GFPT2: variants seen among roughly 807,000 people sequenced by gnomAD.
GFPT2 encodes the protein glutamine--fructose-6-phosphate aminotransferase [isomerizing] 2.
A neutral mutation model predicts 85.6 loss-of-function variants in GFPT2; 62 were observed. The ratio of observed to expected loss-of-function variants is 0.72; its 90% CI spans 0.59 to 0.90. The LOEUF (loss-of-function observed/expected upper bound fraction) is 0.90. Ranked by LOEUF, GFPT2 falls within the 40% of genes least tolerant of loss-of-function variation. The pLI is 0.00. For synonymous variants in GFPT2, 368 were observed against 344.5 expected (o/e 1.07, Z -0.75); for missense variants, 788 against 893.4 (o/e 0.88, Z 1.50).
chr5:180,331,731 A>G (rs1764304589), intron 4 of GFPT2, 178 bp from the exon 5 acceptor site: 1 of 637,090 alleles, frequency 1.6e-6, no homozygotes, highest in Admixed American at 2.6e-5. Flanking sequence ...CAGTGGAACC[A>G]GGGATTAGCA....
At chr5:180,337,345 C>T (rs1183842406) in intron 2 of GFPT2, among the ~76,000 whole-genome samples, 2 of 150,770 alleles carry the variant, frequency 1.3e-5, no homozygotes, top group South Asian at 2.1e-4. Context: ...CCCAGCTACT[C>T]GGGAGGCTGA....
intron 1 of GFPT2, chr5:180,352,339 GA>G (rs34831746): frequency 0.16 from 55,026 of 338,646 alleles, 2,072 homozygotes; most frequent in East Asian, 0.21. Flanking sequence ...CCTACTCAAG[GA>G]AAAAAAAAAA....
In GFPT2 at chr5:180,313,847, T is replaced by C; in HGVS notation, c.1391A>G (p.His464Arg). The C allele has an allele frequency of 1.3e-6, 2 of 1,594,516 alleles. No individual in the cohort carries two copies. Among genetic ancestry groups the C allele is most frequent in the Non-Finnish European group, 1.7e-6 (2 of 1,173,776 alleles). Residue 464 changes from histidine (H) to arginine (R), a missense_variant, in exon 14 of 19, where the codon CAC (histidine) becomes CGC (arginine). His to Arg is a conservative substitution (Grantham distance 29). Transcript: ENST00000253778. ...SISRETDCGVHINAGPEIGVA... is the reference protein window; with the variant it reads ...SISRETDCGVRINAGPEIGVA... ...GCCGATCTCCGGCCCTGCGTTGATG[T>C]GGACGCCGCAGTCGGTCTCGCGAGA...
chr5:180,340,650 T>C (rs1483250794), intron 1 of GFPT2, among the ~76,000 whole-genome samples: 2 of 151,864 alleles, frequency 1.3e-5, no homozygotes, highest in East Asian at 3.9e-4. Context: ...TAGCTGGGAC[T>C]ACAGGTGCCC....
At chr5:180,310,179 T>C (rs1001681958) in intron 15 of GFPT2, among the ~76,000 whole-genome samples, 3 of 152,084 alleles carry the variant, frequency 2.0e-5, no homozygotes, top group Non-Finnish European at 4.4e-5. Context: ...CTCGGCTCAC[T>C]GCAATCTCCG....
intron 14 of GFPT2, among the ~76,000 whole-genome samples, chr5:180,312,782 C>T (rs1763918529): frequency 6.6e-6 from 1 of 151,948 alleles, no homozygotes; most frequent in African/African-American, 2.4e-5. Context: ...TTATTTATTT[C>T]TATTTTGTTT....
chr5:180,334,747 G>A (rs1253654129), intron 4 of GFPT2, among the ~76,000 whole-genome samples: 1 of 152,178 alleles, frequency 6.6e-6, no homozygotes, highest in Admixed American at 6.5e-5. Flanking sequence ...GCCTCACCTA[G>A]AGTGGGGGAC....
intron 1 of GFPT2, chr5:180,352,937 C>A (rs1313483504): frequency 7.0e-6 from 3 of 425,698 alleles, no homozygotes; most frequent in South Asian, 9.8e-5. Flanking sequence ...TCCCTCCCCT[C>A]CGTGGGGACC....
chr5:180,316,317 G>A (rs757563776), intron 13 of GFPT2, 24 bp downstream of exon 13: 3 of 1,613,320 alleles, frequency 1.9e-6, no homozygotes, highest in East Asian at 4.5e-5. Context: ...ATGCAAGGCT[G>A]GCCACAATGC....
chr5:180,321,455 G>A (rs1764118731), intron 9 of GFPT2, among the ~76,000 whole-genome samples: 1 of 152,238 alleles, frequency 6.6e-6, no homozygotes, highest in African/African-American at 2.4e-5. Flanking sequence ...TGCCAGACCT[G>A]TGCCCGTGGG....
At chr5:180,339,729 GC>G (rs1764473917) in intron 1 of GFPT2, among the ~76,000 whole-genome samples, 1 of 152,166 alleles carries the variant, frequency 6.6e-6, no homozygotes, top group Admixed American at 6.5e-5. Flanking sequence ...CTCAGCTCCA[GC>G]CCCCGCCCTG....
intron 15 of GFPT2, among the ~76,000 whole-genome samples, chr5:180,311,321 T>C (rs548351473): frequency 1.3e-5 from 2 of 152,250 alleles, no homozygotes; most frequent in Non-Finnish European, 2.9e-5. Context: ...CTGAAGGAGG[T>C]GAGCTGCTGC....
chr5:180,313,564 T>A (rs1763939771), intron 14 of GFPT2, among the ~76,000 whole-genome samples: 1 of 150,990 alleles, frequency 6.6e-6, no homozygotes, highest in Admixed American at 6.6e-5. Context: ...CACTCCAGCC[T>A]GGGCGACAGA....
At chr5:180,352,957 T>G in intron 1 of GFPT2, 1 of 418,810 alleles carries the variant, frequency 2.4e-6, no homozygotes. Flanking sequence ...CGGGCCTCGG[T>G]CCCCCTCACT....
intron 1 of GFPT2, among the ~76,000 whole-genome samples, chr5:180,339,374 G>A (rs1764465167): frequency 1.9e-5 from 2 of 103,646 alleles, no homozygotes; most frequent in South Asian, 7.2e-4. Context: ...GCTAGACTCT[G>A]TCTCAAAAAA....
intron 13 of GFPT2, 27 bp from the exon 14 acceptor site, chr5:180,313,991 C>G (rs1443081624): frequency 1.3e-6 from 2 of 1,568,584 alleles, no homozygotes; most frequent in African/African-American, 2.7e-5. Context: ...CTCTCAGTGC[C>G]GCGCTCCGCC....
In GFPT2 at chr5:180,328,146, G is replaced by A. The variant is rs1764245568; in HGVS notation, c.596+131C>T. On this transcript the variant is annotated intron_variant, in intron 7 of 18. Transcript: ENST00000253778. This position sits in a 1 kb window ranked among gnomAD's most constrained non-coding sequence, Gnocchi z 5.4. ...GGTGGGGCGCGGTCCCCGGGGCTGAGCCACAGTTGTTCTTTAGACACCACG... is the reference window on the plus strand; with the variant it reads ...GGTGGGGCGCGGTCCCCGGGGCTGAACCACAGTTGTTCTTTAGACACCACG... The A allele has an allele frequency of 1.5e-6, 1 of 668,728 alleles. No individual in the cohort carries two copies. Among genetic ancestry groups the A allele is most frequent in the Non-Finnish European group, 2.7e-6 (1 of 371,960 alleles). 41.4% of individuals were successfully genotyped at this position (668,728 alleles called of 1,614,324 possible).
At chr5:180,301,659 G>A (rs765803661) in intron 18 of GFPT2, 51 bp from the exon 19 acceptor site, 1 of 1,430,786 alleles carries the variant, frequency 7.0e-7, no homozygotes, top group Non-Finnish European at 9.9e-7. Flanking sequence ...TCAGCAACAT[G>A]CTACCTCTCA....
At chr5:180,320,996 G>A (rs541336791) in intron 9 of GFPT2, among the ~76,000 whole-genome samples, 118 of 152,074 alleles carry the variant, frequency 7.8e-4, no homozygotes, top group African/African-American at 2.7e-3. Flanking sequence ...AAATAACTTC[G>A]TATGCTTTGT....
Sources: gnomAD v4.1 joint callset for allele counts (sites outside exome capture counted in the v4.1 genomes callset) on GRCh38, gnomAD v4.1.1 for gene constraint, Gnocchi (gnomAD v3.1) non-coding constraint, MANE v1.5 for transcripts, NCBI Gene and HGNC (gene_info 2026-07-23, HGNC 2026-07-21) for gene names.